PLXNC1: variants seen among roughly 807,000 people sequenced by gnomAD.
PLXNC1 encodes the protein plexin C1.
In PLXNC1, 75 loss-of-function variants were observed where a neutral mutation model predicts 178.2. That is an observed-to-expected ratio of 0.42 (90% CI 0.35 to 0.51). The LOEUF is 0.51. PLXNC1 is among the 20% of genes least tolerant of loss of function. PLXNC1 has a pLI of 0.02. For synonymous variants in PLXNC1, 790 were observed against 779.9 expected (o/e 1.01, Z -0.22); for missense variants, 1,503 against 1,984.4 (o/e 0.76, Z 4.61).
chr12:94,182,928 G>A (rs980402660), intron 3 of PLXNC1, among the ~76,000 whole-genome samples: 2 of 150,432 alleles, frequency 1.3e-5, no homozygotes, highest in East Asian at 2.0e-4. Context: ...CTATCTATAG[G>A]TTAGCCTTTG....
At chr12:94,180,813 C>T (rs1025094030) in intron 2 of PLXNC1, among the ~76,000 whole-genome samples, 9 of 152,210 alleles carry the variant, frequency 5.9e-5, no homozygotes, top group Non-Finnish European at 1.0e-4. Context: ...ACTAATGAAG[C>T]TGTCACTTGT....
chr12:94,300,127 T>C (rs79184419), intron 27 of PLXNC1, among the ~76,000 whole-genome samples: 15,144 of 152,212 alleles, frequency 0.099, 893 homozygotes, highest in Admixed American at 0.15. Context: ...GCTGGAGATA[T>C]AGTAACAAAA....
intron 15 of PLXNC1, among the ~76,000 whole-genome samples, chr12:94,253,802 T>C (rs894790214): frequency 2.0e-5 from 3 of 152,068 alleles, no homozygotes; most frequent in African/African-American, 7.2e-5. Context: ...GCCTCCCAAG[T>C]AGCTGGGACT....
chr12:94,238,500 G>A (rs191009330), intron 10 of PLXNC1, among the ~76,000 whole-genome samples: 25,040 of 148,416 alleles, frequency 0.17, 2,799 homozygotes, highest in African/African-American at 0.32. Context: ...AAAAAAAAAA[G>A]TGATGTGATA....
chr12:94,193,039 C>T (rs1012975186), intron 4 of PLXNC1, among the ~76,000 whole-genome samples: 59 of 152,128 alleles, frequency 3.9e-4, no homozygotes, highest in African/African-American at 1.2e-3. Flanking sequence ...GATATCTAAT[C>T]TGAACCTGAA....
chr12:94,172,817 G>A (rs940531608), intron 2 of PLXNC1, among the ~76,000 whole-genome samples: 10 of 152,156 alleles, frequency 6.6e-5, no homozygotes, highest in African/African-American at 2.4e-4. Flanking sequence ...CAAGGAAGAC[G>A]GCATTACCTC....
intron 4 of PLXNC1, among the ~76,000 whole-genome samples, chr12:94,206,187 A>G (rs780912331): frequency 2.0e-5 from 3 of 152,142 alleles, no homozygotes; most frequent in Non-Finnish European, 2.9e-5. Flanking sequence ...TAAGTTTTCA[A>G]ACAGTGAACT....
intron 5 of PLXNC1, among the ~76,000 whole-genome samples, chr12:94,211,032 A>G (rs557655768): frequency 7.1e-4 from 108 of 152,382 alleles, no homozygotes; most frequent in African/African-American, 2.6e-3. Flanking sequence ...TTTAAGGATA[A>G]TACTTCAGCT....
chr12:94,290,012 G>C (rs1446059938), intron 23 of PLXNC1, among the ~76,000 whole-genome samples: 1 of 152,112 alleles, frequency 6.6e-6, no homozygotes, highest in Admixed American at 6.5e-5. Context: ...GGAGACATTT[G>C]AACTTTTGGC....
intron 2 of PLXNC1, among the ~76,000 whole-genome samples, chr12:94,176,217 C>T (rs1186350324): frequency 6.6e-6 from 1 of 152,160 alleles, no homozygotes; most frequent in South Asian, 2.1e-4. Context: ...CGAGGCTGCC[C>T]ACCTAAACTG....
chr12:94,240,898 T>A (rs1964368899), intron 11 of PLXNC1, among the ~76,000 whole-genome samples: 1 of 152,182 alleles, frequency 6.6e-6, no homozygotes, highest in Non-Finnish European at 1.5e-5. Flanking sequence ...GCTGAGAAAC[T>A]CACAGCTGAA....
At chr12:94,224,135 G>T (rs918886808) in intron 6 of PLXNC1, 93 bp from the exon 7 acceptor site, 1 of 812,024 alleles carries the variant, frequency 1.2e-6, no homozygotes, top group African/African-American at 1.7e-5. Context: ...CTATGCAGAG[G>T]AAGCAAAAAT....
rs543331499 is a variant in PLXNC1 at position 94,256,807 on chromosome 12, T to A, written c.3087+1511T>A. Among the ~76,000 whole-genome samples, 9 of 132,208 alleles carry A rather than the reference T, an allele frequency of 6.8e-5. No homozygotes were observed. The East Asian group carries it at 1.3e-3, about 19-fold the overall frequency. 86.7% of individuals were successfully genotyped at this position (132,208 alleles called of 152,430 possible). ...GGTAATCAAGAACAAGATAGAGTAA[T>A]GAATGTAAAGGAACACTGTTGCAAG... On this transcript the variant is annotated intron_variant, in intron 17 of 30. Coordinates refer to ENST00000258526, the MANE Select transcript of PLXNC1 (RefSeq NM_005761.3).
Position 94,259,723 on chromosome 12 carries a change from T to G in PLXNC1, c.3240T>G (p.Ser1080=), listed in dbSNP as rs1964943698. 1.2e-6 allele frequency: 2 copies of G among 1,608,776 alleles called. No individual in the cohort carries two copies. Among genetic ancestry groups the G allele is most frequent in the South Asian group, 1.1e-5 (1 of 89,960 alleles). ...CCCTTGAAAAGCAGAAGAACTTTTC[T>G]GTGAAGGACAGGTATTAGTCCATTC... ...IHTLEKQKNF[S]VKDRCLFASF... The change falls in exon 19 of 31, where the codon TCT becomes TCG. Residue 1080 remains serine (S), a synonymous_variant. Transcript: ENST00000258526.
rs1251693493 is a variant in PLXNC1 at position 94,260,024 on chromosome 12, A to G, written c.3251+290A>G. Among the ~76,000 whole-genome samples the G allele has an allele frequency of 1.3e-5, 2 of 152,194 alleles. No individual in the cohort carries two copies. Among genetic ancestry groups the G allele is most frequent in the East Asian group, 1.9e-4 (1 of 5,200 alleles). ...AGGCTATTTGATTGGGAGTTTATGC[A>G]GCCTTCTCTCCATTTTAGATCATAC... On this transcript the variant is annotated intron_variant, in intron 19 of 30. Coordinates refer to ENST00000258526, the MANE Select transcript of PLXNC1 (RefSeq NM_005761.3). This position sits in a 1 kb window ranked among gnomAD's most constrained non-coding sequence, Gnocchi z 4.4.
chr12:94,221,827 G>A (rs1162590174), intron 6 of PLXNC1, among the ~76,000 whole-genome samples: 1 of 152,086 alleles, frequency 6.6e-6, no homozygotes, highest in Non-Finnish European at 1.5e-5. Flanking sequence ...CTTCTATAAG[G>A]ACACTAATCA....
intron 20 of PLXNC1, among the ~76,000 whole-genome samples, chr12:94,262,161 G>A (rs903358565): frequency 6.6e-6 from 1 of 152,198 alleles, no homozygotes; most frequent in African/African-American, 2.4e-5. Context: ...AGAAGCTCCG[G>A]AAGTGGAGCC....
chr12:94,291,979 T>C (rs898820352), intron 23 of PLXNC1, among the ~76,000 whole-genome samples: 1 of 152,222 alleles, frequency 6.6e-6, no homozygotes, highest in African/African-American at 2.4e-5. Flanking sequence ...AATAGGACCA[T>C]ACAATATGTG....
chr12:94,162,732 G>C (rs1399230706), intron 1 of PLXNC1, among the ~76,000 whole-genome samples: 1 of 152,142 alleles, frequency 6.6e-6, no homozygotes, highest in East Asian at 1.9e-4. Context: ...AGAAAGAGAA[G>C]AGTTGAGGGT....
Sources: allele counts gnomAD v4.1 joint callset (sites outside exome capture counted in the v4.1 genomes callset), GRCh38; gene constraint gnomAD v4.1.1; non-coding constraint Gnocchi (gnomAD v3.1); transcripts MANE v1.5; gene names NCBI Gene and HGNC (gene_info 2026-07-23, HGNC 2026-07-21).